GRIK4: variants seen among roughly 807,000 people sequenced by gnomAD.
GRIK4 encodes the protein glutamate ionotropic receptor kainate type subunit 4, also known as glutamate receptor ionotropic, kainate 4.
In GRIK4, 40 loss-of-function variants were observed where a neutral mutation model predicts 104.9. The ratio of observed to expected loss-of-function variants is 0.38; its 90% CI spans 0.30 to 0.50. The LOEUF (loss-of-function observed/expected upper bound fraction) is 0.50. Ranked by LOEUF, GRIK4 falls within the 20% of genes least tolerant of loss-of-function variation. GRIK4 has a pLI of 0.93. For synonymous variants in GRIK4, 485 were observed against 524.9 expected, an observed-to-expected ratio of 0.92 and a Z score of 1.04; for missense variants, 1,047 against 1,308.1, an observed-to-expected ratio of 0.80 and a Z score of 3.08.
intron 3 of GRIK4, among the ~76,000 whole-genome samples, chr11:120,694,432 A>G (rs1040495020): frequency 2.0e-5 from 3 of 152,216 alleles, no homozygotes; most frequent in African/African-American, 7.2e-5. Flanking sequence ...TTTTGTTCAA[A>G]TAAAATCACA....
intron 3 of GRIK4, among the ~76,000 whole-genome samples, chr11:120,719,774 A>G (rs1336976617): frequency 1.3e-5 from 2 of 152,226 alleles, no homozygotes; most frequent in African/African-American, 4.8e-5. Context: ...TAAAATAGAA[A>G]GCTAAGCAAC....
At chr11:120,614,872 G>A (rs546967853) in intron 1 of GRIK4, among the ~76,000 whole-genome samples, 16 of 152,232 alleles carry the variant, frequency 1.1e-4, no homozygotes, top group East Asian at 3.9e-4. Context: ...GGTGGCGGGC[G>A]CTTGTAGTCC....
At chr11:120,985,800 G>C (rs755710534) in intron 20 of GRIK4, 104 bp from the exon 21 acceptor site, 2 of 997,706 alleles carry the variant, frequency 2.0e-6, no homozygotes, top group Non-Finnish European at 3.0e-6. Flanking sequence ...AAGATGACAC[G>C]ATTCTGTGAC....
chr11:120,978,803 C>T (rs1044891592), intron 19 of GRIK4, among the ~76,000 whole-genome samples: 2 of 152,004 alleles, frequency 1.3e-5, no homozygotes, highest in Non-Finnish European at 2.9e-5. Flanking sequence ...AAATGTGCCC[C>T]GGGCCAATCA....
At chr11:120,871,588 A>C in intron 9 of GRIK4, 1 of 456,376 alleles carries the variant, frequency 2.2e-6, no homozygotes, top group Non-Finnish European at 4.4e-6. Flanking sequence ...TTCGGGTTCC[A>C]GGAGGCTCTG....
intron 1 of GRIK4, among the ~76,000 whole-genome samples, chr11:120,518,699 A>C (rs960367748): frequency 6.6e-6 from 1 of 152,022 alleles, no homozygotes; most frequent in Admixed American, 6.6e-5. Context: ...GCTTACTGCA[A>C]CCTCCGCCTC....
chr11:120,655,223 G>A (rs1254744997), intron 2 of GRIK4, among the ~76,000 whole-genome samples: 3 of 151,832 alleles, frequency 2.0e-5, no homozygotes, highest in Non-Finnish European at 4.4e-5. Context: ...GGGGATCACA[G>A]AAGCCTCGAG....
intron 1 of GRIK4, among the ~76,000 whole-genome samples, chr11:120,527,287 G>T (rs1441817388): frequency 1.3e-5 from 2 of 152,236 alleles, no homozygotes; most frequent in Non-Finnish European, 2.9e-5. Flanking sequence ...TCAGCTCCCT[G>T]CGGCCCCAGG....
chr11:120,666,488 G>A (rs893992559), intron 3 of GRIK4, among the ~76,000 whole-genome samples: 1 of 152,234 alleles, frequency 6.6e-6, no homozygotes, highest in Non-Finnish European at 1.5e-5. Context: ...AAGCACATAG[G>A]TAATGGCAGT....
chr11:120,928,195 C>G (rs1565444438), intron 13 of GRIK4, among the ~76,000 whole-genome samples: 1 of 128,608 alleles, frequency 7.8e-6, no homozygotes, highest in Non-Finnish European at 1.6e-5. Flanking sequence ...GCCTGGGAGA[C>G]AGAGCAAGAC....
intron 1 of GRIK4, among the ~76,000 whole-genome samples, chr11:120,604,649 C>T (rs1466166886): frequency 6.6e-6 from 1 of 152,168 alleles, no homozygotes; most frequent in African/African-American, 2.4e-5. Flanking sequence ...GAAGCCCTGT[C>T]CCAGGAAGGG....
intron 3 of GRIK4, among the ~76,000 whole-genome samples, chr11:120,723,959 GCCCC>G (rs1448633086): frequency 7.9e-4 from 120 of 152,098 alleles, no homozygotes; most frequent in South Asian, 7.3e-3. Flanking sequence ...CTTGTGCTCA[GCCCC>G]CTCTCCCTAC....
At chr11:120,529,139 C>G (rs1947897428) in intron 1 of GRIK4, among the ~76,000 whole-genome samples, 1 of 147,490 alleles carries the variant, frequency 6.8e-6, no homozygotes, top group African/African-American at 2.7e-5. Flanking sequence ...CCACCCCGAC[C>G]CTCATGTGCT....
chr11:120,911,270 A>G lies in GRIK4; in HGVS notation c.1476+5777A>G, dbSNP rs532425128. ...TTTTTTTTTTTTGAGACGGAGTTTCACTCTGTCACCCAGGCTGGAGTGCAG... is the reference window on the plus strand; with the variant it reads ...TTTTTTTTTTTTGAGACGGAGTTTCGCTCTGTCACCCAGGCTGGAGTGCAG... On this transcript the variant is annotated intron_variant, in intron 13 of 20. Transcript: ENST00000527524. 6.7e-3 allele frequency among the ~76,000 whole-genome samples: 957 copies of G among 141,792 alleles called. 9 individuals are homozygous for G. Among genetic ancestry groups the G allele is most frequent in the African/African-American group, 0.024 (895 of 37,902 alleles). The allele number at this position is 141,792 out of a possible 152,430, so 93.0% of individuals were successfully genotyped here. A position where few individuals can be genotyped will look rare whatever the true frequency, so the allele number is the denominator to read the frequency against.
chr11:120,547,115 C>T (rs1948092105), intron 1 of GRIK4, among the ~76,000 whole-genome samples: 2 of 152,184 alleles, frequency 1.3e-5, no homozygotes, highest in Admixed American at 6.5e-5. Context: ...ACAGTCCCTT[C>T]GACTTGAAGT....
At position 120,956,478 on chromosome 11, in the gene GRIK4, T is replaced by C. The variant is rs1052370604; in HGVS notation, c.1701-302T>C. ...CCTCGGCCTCCCAAAGTGCTGGGAT[T>C]ACAGGCATGAGCCACCGCACCTGGC... is the stretch of plus-strand genomic sequence containing the variant. On this transcript the variant is annotated intron_variant, in intron 15 of 20. Transcript: ENST00000527524. This position sits in a 1 kb window ranked among gnomAD's most constrained non-coding sequence, Gnocchi z 4.6. 2.6e-5 allele frequency among the ~76,000 whole-genome samples: 4 copies of C among 152,178 alleles called. No individual in the cohort carries two copies. Among genetic ancestry groups the C allele is most frequent in the Non-Finnish European group, 5.9e-5 (4 of 68,036 alleles).
rs1942758952 is a variant in GRIK4 at position 120,902,303 on chromosome 11, C to T, written c.1273-2987C>T. On this transcript the variant is annotated intron_variant, in intron 12 of 20. Transcript: ENST00000527524. The surrounding 1 kb of genome is among the most constrained non-coding windows in gnomAD (Gnocchi z 4.5). ...CCTCGCGTTCACAGCACCCCTGCTC[C>T]AGGCTAGCACTCAACACCCCAGCAT... 6.6e-6 allele frequency among the ~76,000 whole-genome samples: 1 copy of T among 152,144 alleles called. No homozygotes were observed. The highest frequency in any genetic ancestry group is 2.4e-5 in the African/African-American group (1 of 41,412).
intron 3 of GRIK4, among the ~76,000 whole-genome samples, chr11:120,775,219 C>T (rs969420296): frequency 1.3e-5 from 2 of 152,234 alleles, no homozygotes; most frequent in Non-Finnish European, 2.9e-5. Flanking sequence ...GCCCAGAGCT[C>T]CGGCTGTTAA....
chr11:120,907,448 C>G (rs1409397356), intron 13 of GRIK4, among the ~76,000 whole-genome samples: 2 of 152,104 alleles, frequency 1.3e-5, no homozygotes, highest in Non-Finnish European at 2.9e-5. Flanking sequence ...AGAATTCACC[C>G]CAGATCTTTC....
Sources: allele counts gnomAD v4.1 joint callset (sites outside exome capture counted in the v4.1 genomes callset), GRCh38; gene constraint gnomAD v4.1.1; non-coding constraint Gnocchi (gnomAD v3.1); transcripts MANE v1.5; gene names NCBI Gene and HGNC (gene_info 2026-07-23, HGNC 2026-07-21).